Variants in GPC6 observed in about 807,000 individuals in gnomAD.
GPC6 encodes glypican 6, also known as glypican-6.
Under a neutral mutation model 55.2 loss-of-function variants are expected in GPC6, and 14 were observed. The observed-to-expected ratio is 0.25, with a 90% CI of 0.17 to 0.40. GPC6 has a LOEUF of 0.40. Ranked by LOEUF, GPC6 falls within the 10% of genes least tolerant of loss-of-function variation. The pLI, the probability that GPC6 is intolerant of heterozygous loss-of-function variation, is 1.00. For missense variants in GPC6, 641 were observed against 708.5 expected, an observed-to-expected ratio of 0.90 and a Z score of 1.08; for synonymous variants, 278 against 259.6, an observed-to-expected ratio of 1.07 and a Z score of -0.68.
intron 4 of GPC6, among the ~76,000 whole-genome samples, chr13:94,265,348 C>T (rs1891769251): frequency 6.6e-6 from 1 of 152,096 alleles, no homozygotes; most frequent in Non-Finnish European, 1.5e-5. Flanking sequence ...AACTTGGAGT[C>T]TGATGTTTGA....
At chr13:93,866,718 G>A (rs1314338740) in intron 3 of GPC6, among the ~76,000 whole-genome samples, 1 of 151,668 alleles carries the variant, frequency 6.6e-6, no homozygotes, top group Non-Finnish European at 1.5e-5. Context: ...GGGACTTTTG[G>A]AGTGTGAAGA....
At chr13:93,989,232 C>T (rs182751244) in intron 3 of GPC6, among the ~76,000 whole-genome samples, 1 of 152,208 alleles carries the variant, frequency 6.6e-6, no homozygotes, top group East Asian at 1.9e-4. Context: ...CTTTTCACAC[C>T]TCATAGGTTG....
At chr13:93,800,647 G>A (rs1256921045) in intron 2 of GPC6, among the ~76,000 whole-genome samples, 7 of 152,204 alleles carry the variant, frequency 4.6e-5, no homozygotes, top group Non-Finnish European at 1.0e-4. Flanking sequence ...AACTGGAATT[G>A]TGTGATTTTC....
chr13:94,108,855 A>AAAAAAAAAAAC (rs1491115688), intron 4 of GPC6, among the ~76,000 whole-genome samples: 6 of 55,530 alleles, frequency 1.1e-4, no homozygotes, highest in African/African-American at 3.9e-4. Flanking sequence ...AAAAAAAAAC[A>AAAAAAAAAAAC]AAAAAAAAAA....
At chr13:93,464,180 A>G (rs1878815450) in intron 1 of GPC6, among the ~76,000 whole-genome samples, 1 of 152,172 alleles carries the variant, frequency 6.6e-6, no homozygotes, top group Admixed American at 6.5e-5. Flanking sequence ...TAGTGCCACA[A>G]CTTGACTCCA....
At chr13:93,962,553 G>T (rs1879832760) in intron 3 of GPC6, among the ~76,000 whole-genome samples, 2 of 152,192 alleles carry the variant, frequency 1.3e-5, no homozygotes, top group East Asian at 1.9e-4. Context: ...ACGAATAAGT[G>T]CATGAAGGAA....
At position 93,434,983 on chromosome 13, in the gene GPC6, G is replaced by C. The variant is rs1877514187; in HGVS notation, c.161-110280G>C. On this transcript the variant is annotated intron_variant, in intron 1 of 8. Transcript: ENST00000377047. ...GCCTCCCAAAGTGCTGGGATTACAG[G>C]TGTGAGCCACTATGCCCAGCCTCAT... 2.0e-5 allele frequency among the ~76,000 whole-genome samples: 3 copies of C among 152,170 alleles called. No homozygotes were observed. In the South Asian group the frequency reaches 6.2e-4, roughly 31 times the overall value.
At chr13:94,269,185 T>C (rs2139060144) in intron 4 of GPC6, among the ~76,000 whole-genome samples, 1 of 152,342 alleles carries the variant, frequency 6.6e-6, no homozygotes, top group Middle Eastern at 3.4e-3. Flanking sequence ...ACGTTCGCTT[T>C]TGAATCTGGA....
intron 4 of GPC6, among the ~76,000 whole-genome samples, chr13:94,276,273 A>G (rs1402334110): frequency 1.3e-5 from 2 of 152,142 alleles, no homozygotes; most frequent in Non-Finnish European, 2.9e-5. Context: ...GTAGAATGAT[A>G]ACAAGGCTGT....
intron 6 of GPC6, among the ~76,000 whole-genome samples, chr13:94,328,390 C>T (rs1877234311): frequency 6.6e-6 from 1 of 152,222 alleles, no homozygotes; most frequent in Non-Finnish European, 1.5e-5. Context: ...TGTAAAATGA[C>T]TTCGTGGCTC....
chr13:94,232,941 A>G (rs948301968), intron 4 of GPC6, among the ~76,000 whole-genome samples: 4 of 150,898 alleles, frequency 2.7e-5, no homozygotes, highest in East Asian at 3.9e-4. Context: ...TGTAAATGTC[A>G]CATTTTAAAT....
intron 2 of GPC6, among the ~76,000 whole-genome samples, chr13:93,558,317 C>G (rs1349415811): frequency 6.6e-6 from 1 of 152,148 alleles, no homozygotes; most frequent in Non-Finnish European, 1.5e-5. Flanking sequence ...TATAAGGACC[C>G]TGACAGTCCT....
intron 8 of GPC6, 134 bp from the exon 9 acceptor site, chr13:94,402,881 G>A: frequency 1.3e-6 from 1 of 786,038 alleles, no homozygotes; most frequent in Non-Finnish European, 2.3e-6. Context: ...CACCATGATT[G>A]AATTACCTCC....
chr13:93,976,711 C>A (rs916017295), intron 3 of GPC6, among the ~76,000 whole-genome samples: 1 of 151,662 alleles, frequency 6.6e-6, no homozygotes, highest in African/African-American at 2.4e-5. Flanking sequence ...CATCTCAGTT[C>A]TGGTAGGAGC....
At chr13:93,913,689 A>G (rs770276167) in intron 3 of GPC6, among the ~76,000 whole-genome samples, 1 of 151,528 alleles carries the variant, frequency 6.6e-6, no homozygotes, top group East Asian at 1.9e-4. Context: ...TTTTTCTTTC[A>G]TCGTTTTTTT....
intron 3 of GPC6, among the ~76,000 whole-genome samples, chr13:93,965,088 G>C: frequency 7.0e-6 from 1 of 142,768 alleles, no homozygotes; most frequent in Admixed American, 7.1e-5. Context: ...GTAAGTATTT[G>C]GGAAACACTA....
At chr13:93,757,320 A>G (rs866405212) in intron 2 of GPC6, among the ~76,000 whole-genome samples, 4 of 152,154 alleles carry the variant, frequency 2.6e-5, no homozygotes, top group African/African-American at 9.7e-5. Context: ...GGCCCAGCAC[A>G]GTCTGTCAGC....
At chr13:94,071,693 T>A (rs1884741437) in intron 4 of GPC6, among the ~76,000 whole-genome samples, 1 of 152,222 alleles carries the variant, frequency 6.6e-6, no homozygotes. Flanking sequence ...TCTGAGTGCT[T>A]CTGGTTCAGA....
intron 3 of GPC6, among the ~76,000 whole-genome samples, chr13:93,905,895 T>A (rs957701690): frequency 3.9e-5 from 6 of 152,192 alleles, no homozygotes; most frequent in Non-Finnish European, 8.8e-5. Context: ...ATATCACCCA[T>A]GAATGGTGGT....
Sources: gnomAD v4.1 joint callset for allele counts (sites outside exome capture counted in the v4.1 genomes callset) on GRCh38, gnomAD v4.1.1 for gene constraint, MANE v1.5 for transcripts, NCBI Gene and HGNC (gene_info 2026-07-23, HGNC 2026-07-21) for gene names.